The following CNTN4 variants were observed in gnomAD, a reference collection of about 807,000 sequenced individuals.
CNTN4 encodes contactin 4.
In CNTN4, 77 loss-of-function variants were observed where a neutral mutation model predicts 122.5. That is an observed-to-expected ratio of 0.63 (90% confidence interval 0.52 to 0.76). The LOEUF is 0.76. CNTN4 is among the 30% of genes least tolerant of loss of function. The pLI is 0.00. For synonymous variants in CNTN4, 512 were observed against 447.0 expected, an observed-to-expected ratio of 1.15 and a Z score of -1.83; for missense variants, 1,256 against 1,259.1, an observed-to-expected ratio of 1.00 and a Z score of 0.04.
At chr3:2,977,327 G>C (rs1003827103) in intron 13 of CNTN4, among the ~76,000 whole-genome samples, 2 of 152,120 alleles carry the variant, frequency 1.3e-5, no homozygotes, top group Non-Finnish European at 2.9e-5. Context: ...CACTTGGCCA[G>C]AGTAACAAGA....
At chr3:3,032,780 A>G (rs1431102316) in intron 16 of CNTN4, among the ~76,000 whole-genome samples, 5 of 152,340 alleles carry the variant, frequency 3.3e-5, no homozygotes, top group South Asian at 4.1e-4. Flanking sequence ...CCTGAAACAA[A>G]ATCTTCTACA....
chr3:2,888,917 T>G (rs1476409060), intron 10 of CNTN4, among the ~76,000 whole-genome samples: 1 of 152,008 alleles, frequency 6.6e-6, no homozygotes, highest in Non-Finnish European at 1.5e-5. Flanking sequence ...GAAGTGCCTG[T>G]TTACAGCTTC....
chr3:2,378,836 A>G (rs1244714778), intron 3 of CNTN4, among the ~76,000 whole-genome samples: 3 of 151,680 alleles, frequency 2.0e-5, no homozygotes. Flanking sequence ...TTGTGTTGTC[A>G]TTCTTATTTG....
intron 4 of CNTN4, among the ~76,000 whole-genome samples, chr3:2,625,208 A>G (rs1299664109): frequency 6.6e-6 from 1 of 152,158 alleles, no homozygotes; most frequent in African/African-American, 2.4e-5. Flanking sequence ...CCAAAAAGGT[A>G]GTGGGTCTCT....
intron 2 of CNTN4, among the ~76,000 whole-genome samples, chr3:2,329,870 C>T (rs1028895898): frequency 1.3e-5 from 2 of 152,214 alleles, no homozygotes; most frequent in Admixed American, 1.3e-4. Context: ...TCTCTACTTA[C>T]ACTAAACATG....
intron 3 of CNTN4, among the ~76,000 whole-genome samples, chr3:2,484,231 A>C (rs1450166930): frequency 6.6e-6 from 1 of 152,228 alleles, no homozygotes; most frequent in Admixed American, 6.5e-5. Context: ...CATCAGAGAA[A>C]TGAAAATAAC....
At chr3:2,528,853 G>C (rs942036924) in intron 3 of CNTN4, among the ~76,000 whole-genome samples, 3 of 151,818 alleles carry the variant, frequency 2.0e-5, no homozygotes, top group Non-Finnish European at 4.4e-5. Flanking sequence ...ATATATTTAT[G>C]AAGTACATAG....
At chr3:2,321,386 T>C (rs2043272608) in intron 2 of CNTN4, among the ~76,000 whole-genome samples, 1 of 152,156 alleles carries the variant, frequency 6.6e-6, no homozygotes, top group African/African-American at 2.4e-5. Flanking sequence ...ATAATAAGGC[T>C]GTCCCCACAG....
At position 2,720,681 on chromosome 3, in the gene CNTN4, A is replaced by G. The variant is rs192235974; in HGVS notation, c.56-15534A>G. 9.8e-5 allele frequency among the ~76,000 whole-genome samples: 15 copies of G among 152,288 alleles called. No individual in the cohort carries two copies. In the East Asian group the frequency reaches 2.3e-3, roughly 23 times the overall value. On this transcript the variant is annotated intron_variant, in intron 4 of 24. Transcript: ENST00000418658. The stretch of plus-strand genomic sequence containing the variant: ...GAAACAAGGGTGCATTCTCCTTCCT[A>G]TGCCAAACACTTCCCCTCCCCCAGC...
chr3:2,830,388 G>A (rs2093078503), intron 7 of CNTN4, among the ~76,000 whole-genome samples: 1 of 152,174 alleles, frequency 6.6e-6, no homozygotes, highest in Non-Finnish European at 1.5e-5. Flanking sequence ...AGTACCGAAA[G>A]GAAATAATGT....
At chr3:2,688,253 T>G (rs553444171) in intron 4 of CNTN4, among the ~76,000 whole-genome samples, 10 of 152,132 alleles carry the variant, frequency 6.6e-5, no homozygotes, top group Non-Finnish European at 1.5e-4. Context: ...ATTTTTTCAG[T>G]ATTTTCCTTT....
At chr3:2,703,673 A>T (rs186654252) in intron 4 of CNTN4, among the ~76,000 whole-genome samples, 1 of 152,140 alleles carries the variant, frequency 6.6e-6, no homozygotes, top group East Asian at 1.9e-4. Flanking sequence ...GAAGTTATTA[A>T]CTTAAATAAA....
Position 2,520,259 on chromosome 3 carries a change from C to CTTTTTTTTTTTTTTTTTTTT in CNTN4, c.-88-51145_-88-51126dup, listed in dbSNP as rs397988483. ...AAAAAGATAGGTTGGTGATTGCTTC[C>CTTTTTTTTTTTTTTTTTTTT]TTTTTTTTTTTTTTTTTTTTTTTTT... On this transcript the variant is annotated intron_variant, in intron 3 of 24. Coordinates refer to ENST00000418658, the MANE Select transcript of CNTN4 (RefSeq NM_175607.3). Among the ~76,000 whole-genome samples the CTTTTTTTTTTTTTTTTTTTT allele has an allele frequency of 1.5e-4, 11 of 74,466 alleles. 2 individuals are homozygous for CTTTTTTTTTTTTTTTTTTTT. The highest frequency in any genetic ancestry group is 7.9e-4 in the African/African-American group (11 of 13,850). 48.9% of individuals were successfully genotyped at this position (74,466 alleles called of 152,430 possible).
At chr3:2,338,548 TAAACATGA>T (rs2044050667) in intron 2 of CNTN4, among the ~76,000 whole-genome samples, 2 of 151,930 alleles carry the variant, frequency 1.3e-5, no homozygotes, top group Non-Finnish European at 2.9e-5. Flanking sequence ...CACATATGAA[TAAACATGA>T]AAACATAAAT....
At chr3:2,500,359 A>G (rs2076564133) in intron 3 of CNTN4, among the ~76,000 whole-genome samples, 1 of 149,080 alleles carries the variant, frequency 6.7e-6, no homozygotes, top group Non-Finnish European at 1.5e-5. Flanking sequence ...AGATTTCTCA[A>G]AGTGTTATTT....
chr3:2,398,859 A>T (rs2150949236), intron 3 of CNTN4, among the ~76,000 whole-genome samples: 1 of 152,250 alleles, frequency 6.6e-6, no homozygotes, highest in South Asian at 2.1e-4. Context: ...CTTCAGTTTT[A>T]CCAGAGATTT....
At chr3:2,550,102 A>G (rs2078426459) in intron 3 of CNTN4, among the ~76,000 whole-genome samples, 1 of 151,974 alleles carries the variant, frequency 6.6e-6, no homozygotes, top group Admixed American at 6.6e-5. Flanking sequence ...TCTTCTTATT[A>G]GTCTGGCTAG....
At chr3:2,381,130 T>C (rs542381903) in intron 3 of CNTN4, among the ~76,000 whole-genome samples, 5 of 151,878 alleles carry the variant, frequency 3.3e-5, no homozygotes, top group South Asian at 4.2e-4. Context: ...CTCAGCCTCC[T>C]GAGTAGCTGG....
At chr3:2,131,786 C>G (rs2125282075) in intron 2 of CNTN4, among the ~76,000 whole-genome samples, 1 of 152,294 alleles carries the variant, frequency 6.6e-6, no homozygotes, top group East Asian at 1.9e-4. Context: ...AACTTATCAT[C>G]TTGAATACTC....
Sources: gnomAD v4.1 joint callset for allele counts (sites outside exome capture counted in the v4.1 genomes callset) on GRCh38, gnomAD v4.1.1 for gene constraint, MANE v1.5 for transcripts, NCBI Gene and HGNC (gene_info 2026-07-23, HGNC 2026-07-21) for gene names.